The following EIF2AK1 variants were observed in gnomAD, a reference collection of about 807,000 sequenced individuals.
EIF2AK1 encodes the protein eukaryotic translation initiation factor 2 alpha kinase 1, also known as eukaryotic translation initiation factor 2-alpha kinase 1.
In EIF2AK1, 54 loss-of-function variants were observed where a neutral mutation model predicts 77.9. The observed-to-expected ratio is 0.69, with a 90% CI of 0.56 to 0.87. The LOEUF (loss-of-function observed/expected upper bound fraction) is 0.87. Ranked by LOEUF, EIF2AK1 falls within the 40% of genes least tolerant of loss-of-function variation. The pLI, the probability that EIF2AK1 is intolerant of heterozygous loss-of-function variation, is 0.00. For missense variants in EIF2AK1, 810 were observed against 768.6 expected, an observed-to-expected ratio of 1.05 and a Z score of -0.64; for synonymous variants, 314 against 290.5, an observed-to-expected ratio of 1.08 and a Z score of -0.82.
At chr7:6,040,333 G>A (rs898179842) in intron 9 of EIF2AK1, among the ~76,000 whole-genome samples, 10 of 152,182 alleles carry the variant, frequency 6.6e-5, no homozygotes, top group Admixed American at 4.6e-4. Flanking sequence ...GATTACAGGC[G>A]TGAGCCACCA....
In EIF2AK1 at chr7:6,049,751, G is replaced by A. The variant is rs1214424117; in HGVS notation, c.411+161C>T. On this transcript the variant is annotated intron_variant, in intron 3 of 14. Coordinates refer to ENST00000199389, the MANE Select transcript of EIF2AK1 (RefSeq NM_014413.4). The stretch of plus-strand genomic sequence containing the variant: ...AAATGATCCATCTCAGCCTCCCAAA[G>A]TGCTGGGATTAAGGCATGAGCCACA... 4.9e-6 allele frequency: 3 copies of A among 613,894 alleles called. No homozygotes were observed. The African/African-American group carries it at 5.7e-5, about 12-fold the overall frequency. The allele number at this position is 613,894 out of a possible 1,614,324, so 38.0% of individuals were successfully genotyped here.
At chr7:6,054,447 G>A (rs1435785541) in intron 2 of EIF2AK1, 99 bp downstream of exon 2, 58 of 1,332,410 alleles carry the variant, frequency 4.4e-5, no homozygotes, top group Middle Eastern at 1.9e-4. Flanking sequence ...CGGGTGATCC[G>A]CCCACCTCAG....
intron 2 of EIF2AK1, among the ~76,000 whole-genome samples, chr7:6,054,205 A>G (rs10263335): frequency 0.26 from 32,509 of 124,904 alleles, 4,262 homozygotes; most frequent in African/African-American, 0.43. Flanking sequence ...TATTTTTACA[A>G]GCTTTATTTA....
Position 6,032,893 on chromosome 7 carries a change from A to AGTCT in EIF2AK1, c.1333-3865_1333-3862dup, listed in dbSNP as rs1787957728. ...GGCTGCCAAGTACCACAAGGCCCAGAGTCTGCTCTGCCTGTTACGGCACGG... is the reference window on the plus strand; with the variant it reads ...GGCTGCCAAGTACCACAAGGCCCAGAGTCTGTCTGCTCTGCCTGTTACGGCACGG... On this transcript the variant is annotated intron_variant, in intron 11 of 14. Coordinates refer to ENST00000199389, the MANE Select transcript of EIF2AK1 (RefSeq NM_014413.4). This position sits in a 1 kb window ranked among gnomAD's most constrained non-coding sequence, Gnocchi z 4.3. 1.3e-6 allele frequency: 2 copies of AGTCT among 1,550,944 alleles called. No individual in the cohort carries two copies. Among genetic ancestry groups the AGTCT allele is most frequent in the Non-Finnish European group, 1.7e-6 (2 of 1,147,036 alleles).
Position 6,023,639 on chromosome 7 carries a change from G to T in EIF2AK1, c.*1034C>A. ...CCAGCCAATGTGCAGAGGTGGATGA[G>T]GTCTTGTGAAAACCTGGCTCCTTTT... On this transcript the variant is annotated 3_prime_UTR_variant, in exon 15 of 15. Transcript: ENST00000199389. The T allele has an allele frequency of 1.2e-6, 2 of 1,614,134 alleles. No individual in the cohort carries two copies. Among genetic ancestry groups the T allele is most frequent in the Non-Finnish European group, 1.7e-6 (2 of 1,180,020 alleles).
intron 14 of EIF2AK1, chr7:6,026,419 C>A (rs1237080844): frequency 2.0e-6 from 1 of 492,388 alleles, no homozygotes; most frequent in East Asian, 5.6e-5. Flanking sequence ...CCACCAGGCC[C>A]CAGGAAGTTT....
chr7:6,031,314 A>T, intron 11 of EIF2AK1: 1 of 1,444,300 alleles, frequency 6.9e-7, no homozygotes, highest in African/African-American at 1.4e-5. Flanking sequence ...GAATCATCAC[A>T]AAGAGACTGA....
chr7:6,042,849 G>C (rs1562751954), intron 8 of EIF2AK1, 84 bp downstream of exon 8: 40 of 1,187,794 alleles, frequency 3.4e-5, no homozygotes, highest in Non-Finnish European at 4.7e-5. Flanking sequence ...CTGGGTGACA[G>C]AGCGAGACTC....
At chr7:6,031,212 C>CCTTT (rs1305682213) in intron 11 of EIF2AK1, among the ~76,000 whole-genome samples, 4 of 152,124 alleles carry the variant, frequency 2.6e-5, no homozygotes, top group Admixed American at 6.6e-5. Flanking sequence ...GATCAAGGAA[C>CCTTT]AAAGTCTGGA....
chr7:6,048,614 G>A (rs112304714), intron 4 of EIF2AK1, among the ~76,000 whole-genome samples, 193 bp downstream of exon 4: 29 of 152,148 alleles, frequency 1.9e-4, no homozygotes, highest in South Asian at 4.1e-4. Context: ...ACTCAGTGGC[G>A]AGAGGCAGGG....
At chr7:6,049,270 C>T (rs1162986034) in intron 3 of EIF2AK1, among the ~76,000 whole-genome samples, 3 of 152,138 alleles carry the variant, frequency 2.0e-5, no homozygotes, top group South Asian at 2.1e-4. Context: ...TTAGGTAGGG[C>T]GCGGTGGCTC....
intron 2 of EIF2AK1, among the ~76,000 whole-genome samples, chr7:6,050,246 T>C (rs1284190326): frequency 6.6e-6 from 1 of 152,084 alleles, no homozygotes; most frequent in Admixed American, 6.6e-5. Context: ...AGACAGAGAG[T>C]GCAGTGACAA....
intron 2 of EIF2AK1, among the ~76,000 whole-genome samples, chr7:6,052,706 C>A (rs1206792079): frequency 4.0e-5 from 6 of 148,186 alleles, no homozygotes; most frequent in Non-Finnish European, 1.5e-5. Context: ...TGGTTACTCA[C>A]AGGAGTGATC....
At chr7:6,051,253 G>A (rs1176905324) in intron 2 of EIF2AK1, among the ~76,000 whole-genome samples, 2 of 151,276 alleles carry the variant, frequency 1.3e-5, no homozygotes, top group Non-Finnish European at 2.9e-5. Context: ...AGATACCAAT[G>A]AGGACATTTT....
rs1788111125 is a variant in EIF2AK1 at position 6,036,753 on chromosome 7, A to C, written c.1332+671T>G. 6.6e-6 allele frequency among the ~76,000 whole-genome samples: 1 copy of C among 152,176 alleles called. No homozygotes were observed. Among genetic ancestry groups the C allele is most frequent in the African/African-American group, 2.4e-5 (1 of 41,442 alleles). On this transcript the variant is annotated intron_variant, in intron 11 of 14. Coordinates refer to ENST00000199389, the MANE Select transcript of EIF2AK1 (RefSeq NM_014413.4). This position sits in a 1 kb window ranked among gnomAD's most constrained non-coding sequence, Gnocchi z 4.6. ...CAGCAAAAAAACTTCCGATTTTGTT[A>C]AACTTTAAGATGAATAATTATAGAA... is the stretch of plus-strand genomic sequence containing the variant.
chr7:6,044,473 G>C (rs893556842), intron 7 of EIF2AK1, 89 bp downstream of exon 7: 6 of 1,010,660 alleles, frequency 5.9e-6, no homozygotes, highest in Non-Finnish European at 7.4e-6. Context: ...TCAGCTTGTG[G>C]TATGTACAAA....
At chr7:6,052,525 A>G (rs1583498638) in intron 2 of EIF2AK1, among the ~76,000 whole-genome samples, 1 of 151,252 alleles carries the variant, frequency 6.6e-6, no homozygotes, top group African/African-American at 2.4e-5. Flanking sequence ...ATCTTTAACT[A>G]AAAACGCATT....
Position 6,023,901 on chromosome 7 carries a change from T to C in EIF2AK1, c.*772A>G, listed in dbSNP as rs1241936675. On this transcript the variant is annotated 3_prime_UTR_variant, in exon 15 of 15. Coordinates refer to ENST00000199389, the MANE Select transcript of EIF2AK1 (RefSeq NM_014413.4). ...TCTACCGTGATGACTGCCAACTCCA[T>C]GGCAGACCCTTTCTGGGATTCAAAA... 2 of 1,503,150 alleles carry C rather than the reference T, an allele frequency of 1.3e-6. No homozygotes were observed. The highest frequency in any genetic ancestry group is 1.4e-5 in the African/African-American group (1 of 72,410). The allele number at this position is 1,503,150 out of a possible 1,614,324, so 93.1% of individuals were successfully genotyped here.
intron 2 of EIF2AK1, among the ~76,000 whole-genome samples, chr7:6,053,496 C>G (rs672716): frequency 0.61 from 92,653 of 151,308 alleles, 28,666 homozygotes; most frequent in African/African-American, 0.7. Flanking sequence ...CAAATTACAG[C>G]TGGGATTACA....
Sources: gnomAD v4.1 joint callset for allele counts (sites outside exome capture counted in the v4.1 genomes callset) on GRCh38, gnomAD v4.1.1 for gene constraint, Gnocchi (gnomAD v3.1) non-coding constraint, MANE v1.5 for transcripts, NCBI Gene and HGNC (gene_info 2026-07-23, HGNC 2026-07-21) for gene names.